RGS8: variants seen among roughly 807,000 people sequenced by gnomAD.
The protein encoded by RGS8 is regulator of G-protein signaling 8.
Under a neutral mutation model 21.7 loss-of-function variants are expected in RGS8, and 8 were observed. The ratio of observed to expected loss-of-function variants is 0.37; its 90% confidence interval spans 0.22 to 0.66. The LOEUF (loss-of-function observed/expected upper bound fraction) is 0.66. Among genes scored for constraint, RGS8 ranks in the 30% least tolerant of loss-of-function variants. The pLI is 0.59. For synonymous variants in RGS8, 80 were observed against 83.6 expected (o/e 0.96, Z 0.24); for missense variants, 157 against 217.9 (o/e 0.72, Z 1.76).
intron 1 of RGS8, 74 bp from the exon 3 acceptor site, chr1:182,671,804 AG>A: frequency 6.2e-7 from 1 of 1,606,028 alleles, no homozygotes; most frequent in Non-Finnish European, 8.5e-7. Context: ...ATGAACACAT[AG>A]GGGCACACAC....
the RGS8 span, among the ~76,000 whole-genome samples, chr1:182,745,193 C>T: frequency 5.9e-5 from 9 of 152,186 alleles, no homozygotes; most frequent in Non-Finnish European, 1.0e-4. Flanking sequence ...AAAAATCTCA[C>T]TTATTTATGT....
At chr1:182,725,277 G>A in the RGS8 span, among the ~76,000 whole-genome samples, 4 of 152,096 alleles carry the variant, frequency 2.6e-5, no homozygotes, top group Non-Finnish European at 5.9e-5. Flanking sequence ...CCCCAACCCT[G>A]ATAATTTTAA....
At chr1:182,721,943 C>T in the RGS8 span, among the ~76,000 whole-genome samples, 1 of 131,562 alleles carries the variant, frequency 7.6e-6, no homozygotes, top group Non-Finnish European at 1.6e-5. Context: ...CTCCCTATCA[C>T]AGTGCACACA....
At chr1:182,732,265 T>TCACACACACA in the RGS8 span, among the ~76,000 whole-genome samples, 2 of 83,550 alleles carry the variant, frequency 2.4e-5, no homozygotes, top group African/African-American at 1.2e-4. Context: ...TCTCGCTCTC[T>TCACACACACA]CTCTCATACA....
rs1664126065 is a variant in RGS8, at chr1:182,670,898, AG to A, written c.-104+758del. On this transcript the variant is annotated intron_variant, in intron 2 of 6. Transcript: ENST00000483095. ...GCTTCCTCAGAAGTCATGAAATCAAAGCTTTTGCAGCTGTGCCGGTCCCTAG... is the reference window on the plus strand; with the variant it reads ...GCTTCCTCAGAAGTCATGAAATCAAACTTTTGCAGCTGTGCCGGTCCCTAG... Among the ~76,000 whole-genome samples the A allele has an allele frequency of 3.3e-5, 5 of 152,118 alleles. No homozygotes were observed. In the South Asian group the frequency reaches 1.0e-3, roughly 32 times the overall value.
chr1:182,724,201 G>GATATAT, the RGS8 span, among the ~76,000 whole-genome samples: 285 of 42,032 alleles, frequency 6.8e-3, 8 homozygotes, highest in Non-Finnish European at 8.6e-3. Flanking sequence ...GGCTAGACTG[G>GATATAT]ATATATATAT....
upstream of RGS8, among the ~76,000 whole-genome samples, chr1:182,686,802 A>C (rs78269408): frequency 0.033 from 4,978 of 152,236 alleles, 117 homozygotes; most frequent in Non-Finnish European, 0.044. Flanking sequence ...ACCCAAGGAC[A>C]GCAAGAGAAG....
the RGS8 span, among the ~76,000 whole-genome samples, chr1:182,691,522 ATAAAGAGGAC>A: frequency 6.6e-6 from 1 of 151,684 alleles, no homozygotes; most frequent in Middle Eastern, 3.2e-3. Flanking sequence ...GATCCATCAC[ATAAAGAGGAC>A]TAAAAACAGA....
chr1:182,707,487 A>G, the RGS8 span, among the ~76,000 whole-genome samples: 2 of 152,158 alleles, frequency 1.3e-5, no homozygotes, highest in South Asian at 2.1e-4. Flanking sequence ...ATATTTGTCA[A>G]ACCATTCTGC....
At chr1:182,646,494 A>G in exon 7 of RGS8, 1 of 468,730 alleles carries the variant, frequency 2.1e-6, no homozygotes, top group East Asian at 3.5e-5. Flanking sequence ...GCTGACCCAG[A>G]AAAGGGTGAC....
chr1:182,680,668 A>G (rs1438052781), intron 1 of RGS8, among the ~76,000 whole-genome samples: 1 of 152,094 alleles, frequency 6.6e-6, no homozygotes, highest in African/African-American at 2.4e-5. Flanking sequence ...AGTGTCTCCT[A>G]TGTGCCAAGC....
At chr1:182,652,017 C>T (rs1325720680) in intron 5 of RGS8, among the ~76,000 whole-genome samples, 1 of 152,182 alleles carries the variant, frequency 6.6e-6, no homozygotes, top group African/African-American at 2.4e-5. Context: ...TCCATCTTAC[C>T]ACATTTTCCA....
chr1:182,701,968 C>T, the RGS8 span, among the ~76,000 whole-genome samples: 1 of 152,134 alleles, frequency 6.6e-6, no homozygotes, highest in Admixed American at 6.6e-5. Flanking sequence ...GAAAAAATAA[C>T]ACTTACACAC....
upstream of RGS8, among the ~76,000 whole-genome samples, chr1:182,687,798 G>T (rs1664740148): frequency 6.6e-6 from 1 of 152,206 alleles, no homozygotes; most frequent in Non-Finnish European, 1.5e-5. Flanking sequence ...GGGAGATGTT[G>T]TTGCCTGCAA....
At chr1:182,751,853 C>T in the RGS8 span, among the ~76,000 whole-genome samples, 3 of 152,208 alleles carry the variant, frequency 2.0e-5, no homozygotes, top group African/African-American at 7.2e-5. Context: ...AAACTCTAAT[C>T]ATCAGATCAA....
chr1:182,678,773 C>T (rs1664450328), intron 1 of RGS8, among the ~76,000 whole-genome samples: 1 of 152,256 alleles, frequency 6.6e-6, no homozygotes, highest in African/African-American at 2.4e-5. Context: ...TTACAAATGA[C>T]CTTTCCAGTG....
At chr1:182,646,969 C>G in intron 6 of RGS8, 52 bp from the exon 8 acceptor site, 1 of 1,460,408 alleles carries the variant, frequency 6.8e-7, no homozygotes, top group Non-Finnish European at 9.4e-7. Flanking sequence ...GCCAAGGTTT[C>G]TGGCAGCTGG....
the RGS8 span, among the ~76,000 whole-genome samples, chr1:182,752,177 C>T: frequency 6.6e-6 from 1 of 152,342 alleles, no homozygotes; most frequent in South Asian, 2.1e-4. Flanking sequence ...GACAAGACTT[C>T]CAAGCCATCC....
At chr1:182,657,085 C>A (rs1012407464) in intron 5 of RGS8, among the ~76,000 whole-genome samples, 1 of 151,830 alleles carries the variant, frequency 6.6e-6, no homozygotes, top group Non-Finnish European at 1.5e-5. Context: ...CCACTTGTTC[C>A]CCCACCCACC....
Sources: allele counts gnomAD v4.1 joint callset (sites outside exome capture counted in the v4.1 genomes callset), GRCh38; gene constraint gnomAD v4.1.1; transcripts MANE v1.5; gene names NCBI Gene and HGNC (gene_info 2026-07-23, HGNC 2026-07-21).